PES1: variants seen among roughly 807,000 people sequenced by gnomAD.
The protein encoded by PES1 is pescadillo homolog.
PES1 carries 31 observed loss-of-function variants against 77.1 expected under a neutral mutation model. The ratio of observed to expected loss-of-function variants is 0.40; its 90% CI spans 0.30 to 0.54. The LOEUF (loss-of-function observed/expected upper bound fraction) is 0.54, where lower values mean the gene tolerates loss of function less well. PES1 is among the 20% of genes least tolerant of loss of function. The pLI, the probability that PES1 is intolerant of heterozygous loss-of-function variation, is 0.45. For synonymous variants in PES1, 282 were observed against 303.0 expected (o/e 0.93, Z 0.72); for missense variants, 658 against 771.7 (o/e 0.85, Z 1.75).
rs945531192 is a variant in PES1 at position 30,599,857 on chromosome 22, G to A, written c.-661+5604C>T. On this transcript the variant is annotated intron_variant, in intron 2 of 16. Coordinates refer to the PES1 transcript ENST00000402281. ...AGAGGTTGCGGTGAGCCGAGATTGA[G>A]CCATTGCACTCCAGCCTGGGCAATA... 3.3e-5 allele frequency among the ~76,000 whole-genome samples: 5 copies of A among 152,086 alleles called. No individual in the cohort carries two copies. The East Asian group carries it at 5.8e-4, about 18-fold the overall frequency.
Position 30,576,829 on chromosome 22 carries a change from A to C in PES1, c.*217T>G. The C allele has an allele frequency of 1.7e-6, 1 of 574,204 alleles. No individual in the cohort carries two copies. 35.6% of individuals were successfully genotyped at this position (574,204 alleles called of 1,614,324 possible). ...GGGAGCAGAGAATCAGGCTGGGCAC[A>C]GAGGCCTCTTCTCTGACCAGGCACC... On this transcript the variant is annotated 3_prime_UTR_variant, in exon 15 of 15. Coordinates refer to ENST00000354694, the MANE Select transcript of PES1 (RefSeq NM_014303.4).
intron 2 of PES1, among the ~76,000 whole-genome samples, chr22:30,601,429 C>T (rs937460154): frequency 6.6e-6 from 1 of 152,136 alleles, no homozygotes; most frequent in Non-Finnish European, 1.5e-5. Context: ...ATTCTCCTGC[C>T]TCAGCCCCGA....
intron 5 of PES1, 29 bp downstream of exon 5, chr22:30,584,517 G>A (rs758557784): frequency 6.2e-7 from 1 of 1,608,824 alleles, no homozygotes; most frequent in Non-Finnish European, 8.5e-7. Flanking sequence ...GGGCAGGGTG[G>A]GATGCCAGCC....
intron 4 of PES1, chr22:30,585,452 C>A: frequency 2.4e-6 from 1 of 411,510 alleles, no homozygotes; most frequent in Non-Finnish European, 5.1e-6. Context: ...CCGGTCTGAG[C>A]TGTGACCCAG....
intron 10 of PES1, 103 bp downstream of exon 10, chr22:30,580,468 T>C: frequency 1.2e-5 from 17 of 1,453,294 alleles, no homozygotes; most frequent in Non-Finnish European, 1.6e-5. Context: ...TCATAAGAAG[T>C]GGAAACTGAC....
intron 2 of PES1, among the ~76,000 whole-genome samples, chr22:30,598,884 A>ATT (rs1569031688): frequency 2.6e-4 from 12 of 46,328 alleles, no homozygotes; most frequent in African/African-American, 8.2e-4. Context: ...ACTTAAGTAA[A>ATT]ATTTTTTTTT....
intron 2 of PES1, among the ~76,000 whole-genome samples, chr22:30,601,014 G>T (rs1260545028): frequency 6.6e-6 from 1 of 152,234 alleles, no homozygotes; most frequent in Non-Finnish European, 1.5e-5. Flanking sequence ...CCTCAAGGCA[G>T]TTGTACTGCT....
rs777882317 is a variant in PES1, at chr22:30,577,058, T to TGCCTTCTTG, written c.1746_1754dup (p.Lys583_Ala585dup). 6.2e-7 allele frequency: 1 copy of TGCCTTCTTG among 1,613,890 alleles called. No individual in the cohort carries two copies. The highest frequency in any genetic ancestry group is 2.2e-5 in the East Asian group (1 of 44,886). ...GGGCCGCAGGCACTCACTCCGGCCT[T>TGCCTTCTTG]GCCTTCTTGGCCTTCTTCTCAGACC... On this transcript the variant is annotated inframe_insertion, in exon 15 of 15. Coordinates refer to ENST00000354694, the MANE Select transcript of PES1 (RefSeq NM_014303.4).
chr22:30,577,654 C>A (rs982416883), intron 14 of PES1, among the ~76,000 whole-genome samples: 5 of 151,960 alleles, frequency 3.3e-5, no homozygotes, highest in Non-Finnish European at 7.4e-5. Context: ...CCATGCGTAG[C>A]CCTTTCTTTT....
chr22:30,594,295 G>A (rs762102857), upstream of PES1, among the ~76,000 whole-genome samples: 1 of 152,104 alleles, frequency 6.6e-6, no homozygotes, highest in Non-Finnish European at 1.5e-5. Context: ...CAAGGTGGGT[G>A]GATCACCTGA....
At position 30,587,511 on chromosome 22, in the gene PES1, C is replaced by T. The variant is rs910732125; in HGVS notation, c.259-116G>A. Reference sequence around the variant, plus strand: ...CTCTCATGCCTCCTGAAGCTGGCCACGGCTATGTGCCTGTGTCACTGACCC... The same window carrying T: ...CTCTCATGCCTCCTGAAGCTGGCCATGGCTATGTGCCTGTGTCACTGACCC... On this transcript the variant is annotated intron_variant, in intron 3 of 14. Coordinates refer to ENST00000354694, the MANE Select transcript of PES1 (RefSeq NM_014303.4). 21 of 731,082 alleles carry T rather than the reference C, an allele frequency of 2.9e-5. No homozygotes were observed. The Admixed American group carries it at 3.2e-4, about 11-fold the overall frequency. The allele number at this position is 731,082 out of a possible 1,614,324, so 45.3% of individuals were successfully genotyped here.
upstream of PES1, chr22:30,592,171 T>G: frequency 9.0e-7 from 1 of 1,112,876 alleles, no homozygotes; most frequent in Non-Finnish European, 1.1e-6. Context: ...CGTTGCATGT[T>G]GGGACGGAGA....
At position 30,591,856 on chromosome 22, in the gene PES1, T is replaced by G. The variant is rs749281883; in HGVS notation, c.-23A>C. The G allele has an allele frequency of 1.3e-6, 2 of 1,549,600 alleles. No individual in the cohort carries two copies. Among genetic ancestry groups the G allele is most frequent in the African/African-American group, 1.4e-5 (1 of 73,284 alleles). On this transcript the variant is annotated 5_prime_UTR_variant, in exon 1 of 15. Coordinates refer to ENST00000354694, the MANE Select transcript of PES1 (RefSeq NM_014303.4). ...CATCGCTCCACGTTGAGGAGCCGAC[T>G]AGGGCCGCGCGTACAGGGAGCTCCA...
chr22:30,588,171 C>A lies in PES1; in HGVS notation c.108G>T (p.Arg36=), dbSNP rs2087121710. 6.2e-7 allele frequency: 1 copy of A among 1,614,164 alleles called. No individual in the cohort carries two copies. Among genetic ancestry groups the A allele is most frequent in the Non-Finnish European group, 8.5e-7 (1 of 1,180,020 alleles). ...GATAAATGCCCTTCAGAATGCACAG[C>A]CGCCTGGAAGACAGAGGCCATCTGT... is the stretch of plus-strand genomic sequence containing the variant. ...KLQLSLADFR[R]LCILKGIYPH... Residue 36 remains arginine, a synonymous_variant, in exon 3 of 15, where the codon CGG becomes CGT. Coordinates refer to ENST00000354694, the MANE Select transcript of PES1 (RefSeq NM_014303.4).
rs1017081841 is a variant in PES1 at position 30,580,713 on chromosome 22, G to A, written c.913-12C>T. The A allele has an allele frequency of 1.2e-6, 2 of 1,612,758 alleles. No individual in the cohort carries two copies. The highest frequency in any genetic ancestry group is 1.7e-4 in the Middle Eastern group (1 of 6,056). On this transcript the variant is annotated splice_polypyrimidine_tract_variant and intron_variant, in intron 9 of 14. Transcript: ENST00000354694. ...TGCGCTGACATCTCCTGTTGAGAAA[G>A]GGGCCAGGCCTCGCACCACCAGGGC...
chr22:30,580,775 C>G, intron 9 of PES1, 74 bp from the exon 10 acceptor site: 1 of 1,595,470 alleles, frequency 6.3e-7, no homozygotes. Flanking sequence ...CTGGAGATAA[C>G]GTCCACTCCA....
upstream of PES1, among the ~76,000 whole-genome samples, chr22:30,596,355 T>C (rs1050294619): frequency 3.9e-5 from 6 of 151,994 alleles, no homozygotes; most frequent in East Asian, 1.9e-4. Context: ...TGTGTGTGTG[T>C]GCGTGTGTAT....
chr22:30,606,960 G>T, exon 1 of PES1: 1 of 924,550 alleles, frequency 1.1e-6, no homozygotes, highest in Non-Finnish European at 1.4e-6. Flanking sequence ...AGGCACGGTC[G>T]GACAGACTTG....
chr22:30,592,055 A>G, upstream of PES1: 4 of 1,359,120 alleles, frequency 2.9e-6, no homozygotes, highest in Non-Finnish European at 2.8e-6. Context: ...CTCTTTCCAG[A>G]TCTTTCCCGC....
Sources: allele counts gnomAD v4.1 joint callset (sites outside exome capture counted in the v4.1 genomes callset), GRCh38; gene constraint gnomAD v4.1.1; transcripts MANE v1.5; gene names NCBI Gene and HGNC (gene_info 2026-07-23, HGNC 2026-07-21).